HIF1A: variants seen among roughly 807,000 people sequenced by gnomAD.
HIF1A encodes the protein hypoxia inducible factor 1 subunit alpha.
Under a neutral mutation model 92.7 loss-of-function variants are expected in HIF1A, and 24 were observed. That is an observed-to-expected ratio of 0.26 (90% CI 0.19 to 0.36). HIF1A has a LOEUF of 0.36. HIF1A is among the 10% of genes least tolerant of loss of function. HIF1A has a pLI of 1.00. For synonymous variants in HIF1A, 319 were observed against 338.7 expected, an observed-to-expected ratio of 0.94 and a Z score of 0.64; for missense variants, 799 against 998.5, an observed-to-expected ratio of 0.80 and a Z score of 2.69.
At chr14:61,712,471 C>T (rs925195126) in intron 1 of HIF1A, among the ~76,000 whole-genome samples, 1 of 151,146 alleles carries the variant, frequency 6.6e-6, no homozygotes, top group Non-Finnish European at 1.5e-5. Context: ...AGTGATATGA[C>T]TTGATTTCTT....
chr14:61,709,313 C>T (rs2044280407), intron 1 of HIF1A, among the ~76,000 whole-genome samples: 1 of 152,198 alleles, frequency 6.6e-6, no homozygotes, highest in African/African-American at 2.4e-5. Flanking sequence ...ACAAAAAGCA[C>T]ATTCTTCTTA....
At position 61,705,123 on chromosome 14, in the gene HIF1A, C is replaced by T. The variant is rs563958804; in HGVS notation, c.35+9284C>T. 1.3e-5 allele frequency among the ~76,000 whole-genome samples: 2 copies of T among 152,086 alleles called. 1 individual carries two copies. The highest frequency in any genetic ancestry group is 2.9e-5 in the Non-Finnish European group (2 of 67,948). On this transcript the variant is annotated intron_variant, in intron 1 of 14. Coordinates refer to ENST00000337138, the MANE Select transcript of HIF1A (RefSeq NM_001530.4). The stretch of plus-strand genomic sequence containing the variant: ...CTTAACACAGGATTAATGTTCAGAT[C>T]TCTTTTGGAGCAAAATAATCCTCTG...
intron 1 of HIF1A, 102 bp downstream of exon 1, chr14:61,695,941 G>A: frequency 9.0e-7 from 1 of 1,110,828 alleles, no homozygotes; most frequent in Non-Finnish European, 1.3e-6. Flanking sequence ...GGATTGGGGG[G>A]GGCAGCCTTT....
intron 1 of HIF1A, among the ~76,000 whole-genome samples, chr14:61,718,577 T>A (rs8005745): frequency 0.75 from 113,668 of 152,118 alleles, 46,692 homozygotes; most frequent in Non-Finnish European, 0.91. Flanking sequence ...AGATCAAGTC[T>A]TACGTTTTAT....
At chr14:61,714,911 G>A (rs1228210250) in intron 1 of HIF1A, among the ~76,000 whole-genome samples, 1 of 152,108 alleles carries the variant, frequency 6.6e-6, no homozygotes, top group African/African-American at 2.4e-5. Flanking sequence ...GCACACGCCT[G>A]TAATCCCAGC....
At chr14:61,732,025 A>C (rs1226877304) in intron 6 of HIF1A, among the ~76,000 whole-genome samples, 5 of 152,194 alleles carry the variant, frequency 3.3e-5, no homozygotes, top group Non-Finnish European at 5.9e-5. Context: ...AATCCCAGCT[A>C]CTTGGGAGGC....
At chr14:61,724,089 A>T (rs2044467905) in intron 4 of HIF1A, among the ~76,000 whole-genome samples, 1 of 151,818 alleles carries the variant, frequency 6.6e-6, no homozygotes, top group African/African-American at 2.4e-5. Context: ...TTTAAAATTT[A>T]GGTTTTTTTA....
intron 13 of HIF1A, 131 bp downstream of exon 13, chr14:61,744,944 T>C (rs779407767): frequency 3.6e-5 from 18 of 501,764 alleles, no homozygotes; most frequent in Non-Finnish European, 6.1e-5. Flanking sequence ...AGTTATACAT[T>C]GGGTTTTTTT....
chr14:61,732,768 C>A (rs148185719), intron 7 of HIF1A, among the ~76,000 whole-genome samples: 51 of 152,174 alleles, frequency 3.4e-4, no homozygotes, highest in African/African-American at 1.1e-3. Flanking sequence ...TTTTGAAAAT[C>A]CAAATATTAT....
rs147642291 is a variant in HIF1A, at chr14:61,724,349, T to TTCTCTCTCTCTCTCTCTCTCTCTCTC, written c.458-2350_458-2325dup. ...CCTACACACACACGACACACACACA[T>TTCTCTCTCTCTCTCTCTCTCTCTCTC]TCTCTCTCTCTCTCTCTCTCTCTCT... On this transcript the variant is annotated intron_variant, in intron 4 of 14. Coordinates refer to ENST00000337138, the MANE Select transcript of HIF1A (RefSeq NM_001530.4). 1.7e-3 allele frequency among the ~76,000 whole-genome samples: 166 copies of TTCTCTCTCTCTCTCTCTCTCTCTCTC among 96,108 alleles called. 5 individuals are homozygous for TTCTCTCTCTCTCTCTCTCTCTCTCTC. Among genetic ancestry groups the TTCTCTCTCTCTCTCTCTCTCTCTCTC allele is most frequent in the African/African-American group, 4.1e-3 (119 of 29,152 alleles). The allele number at this position is 96,108 out of a possible 152,430, so 63.1% of individuals were successfully genotyped here.
chr14:61,738,919 T>TTG (rs1472322225), intron 10 of HIF1A, among the ~76,000 whole-genome samples: 35 of 151,814 alleles, frequency 2.3e-4, no homozygotes, highest in South Asian at 4.2e-4. Flanking sequence ...TAACCTTTTT[T>TTG]TGTGTGTGTG....
Position 61,695,561 on chromosome 14 carries a change from G to A in HIF1A, c.-244G>A, listed in dbSNP as rs1037474568. Reference sequence around the variant, plus strand: ...AGGGGACAGGAGGATCACCCTCTTCGTCGCTTCGGCCAGTGTGTCGGGCTG... The same window carrying A: ...AGGGGACAGGAGGATCACCCTCTTCATCGCTTCGGCCAGTGTGTCGGGCTG... On this transcript the variant is annotated 5_prime_UTR_variant, in exon 1 of 15. Coordinates refer to ENST00000337138, the MANE Select transcript of HIF1A (RefSeq NM_001530.4). 1 of 579,214 alleles carries A rather than the reference G, an allele frequency of 1.7e-6. No individual in the cohort carries two copies. The highest frequency in any genetic ancestry group is 3.1e-6 in the Non-Finnish European group (1 of 326,960). 35.9% of individuals were successfully genotyped at this position (579,214 alleles called of 1,614,324 possible).
At chr14:61,746,185 C>A (rs2044783655) in intron 14 of HIF1A, among the ~76,000 whole-genome samples, 1 of 145,072 alleles carries the variant, frequency 6.9e-6, no homozygotes, top group African/African-American at 2.6e-5. Context: ...GATGGCACCA[C>A]TGCACTCCAG....
In HIF1A at chr14:61,746,643, C is replaced by CCT. The variant is rs2044796201; in HGVS notation, c.2330-289_2330-288dup. ...CTCCTGGCCTCAAGTGATCCTCCTG[C>CCT]CTCAGCCTGTGCTAGGATTACAGGC... On this transcript the variant is annotated intron_variant, in intron 14 of 14. Coordinates refer to ENST00000337138, the MANE Select transcript of HIF1A (RefSeq NM_001530.4). Among the ~76,000 whole-genome samples the CCT allele has an allele frequency of 2.6e-5, 4 of 152,188 alleles. No individual in the cohort carries two copies. The South Asian group carries it at 8.3e-4, about 32-fold the overall frequency.
At chr14:61,696,291 AAACTC>A (rs2044115184) in intron 1 of HIF1A, among the ~76,000 whole-genome samples, 1 of 152,216 alleles carries the variant, frequency 6.6e-6, no homozygotes, top group Non-Finnish European at 1.5e-5. Flanking sequence ...GTTCCATTGA[AAACTC>A]GGCCCTGGGG....
At chr14:61,712,313 T>G (rs903193091) in intron 1 of HIF1A, among the ~76,000 whole-genome samples, 1 of 151,828 alleles carries the variant, frequency 6.6e-6, no homozygotes, top group South Asian at 2.1e-4. Flanking sequence ...AGGAGGCTAG[T>G]ATGGTTAGAA....
At position 61,721,721 on chromosome 14, in the gene HIF1A, T is replaced by G; in HGVS notation, c.373-18T>G. 6.2e-7 allele frequency: 1 copy of G among 1,612,326 alleles called. No homozygotes were observed. Among genetic ancestry groups the G allele is most frequent in the South Asian group, 1.1e-5 (1 of 91,044 alleles). On this transcript the variant is annotated intron_variant, in intron 3 of 14. Coordinates refer to ENST00000337138, the MANE Select transcript of HIF1A (RefSeq NM_001530.4). ...TGATTTTATGATCTAGCCCTAATTT[T>G]TAAAAATGTGTTTACAGTTTGAACT...
At chr14:61,723,620 A>G (rs1252364676) in intron 4 of HIF1A, among the ~76,000 whole-genome samples, 2 of 152,224 alleles carry the variant, frequency 1.3e-5, no homozygotes, top group Non-Finnish European at 2.9e-5. Flanking sequence ...TGCTGTGAAC[A>G]AGGACCTAAG....
At position 61,726,695 on chromosome 14, in the gene HIF1A, G is replaced by A. The variant is rs970365932; in HGVS notation, c.458-11G>A. On this transcript the variant is annotated splice_polypyrimidine_tract_variant and intron_variant, in intron 4 of 14. Transcript: ENST00000337138. ...TAGTTGCTTTAAAACTTTATTTCATGCTTTCATTAGGCCTTGTGAAAAAGG... is the reference window on the plus strand; with the variant it reads ...TAGTTGCTTTAAAACTTTATTTCATACTTTCATTAGGCCTTGTGAAAAAGG... 6 of 1,526,554 alleles carry A rather than the reference G, an allele frequency of 3.9e-6. No homozygotes were observed. In the East Asian group the frequency reaches 6.9e-5, roughly 18 times the overall value. The allele number at this position is 1,526,554 out of a possible 1,614,324, so 94.6% of individuals were successfully genotyped here.
Sources: gnomAD v4.1 joint callset for allele counts (sites outside exome capture counted in the v4.1 genomes callset) on GRCh38, gnomAD v4.1.1 for gene constraint, MANE v1.5 for transcripts, NCBI Gene and HGNC (gene_info 2026-07-23, HGNC 2026-07-21) for gene names.